KAT6A: variants seen among roughly 807,000 people sequenced by gnomAD.
The protein encoded by KAT6A is lysine acetyltransferase 6A.
KAT6A carries 9 observed loss-of-function variants against 198.4 expected under a neutral mutation model. That is an observed-to-expected ratio of 0.05 (90% CI 0.03 to 0.08). The LOEUF is 0.08. Among genes scored for constraint, KAT6A ranks in the 10% least tolerant of loss-of-function variants. KAT6A has a pLI of 1.00. For missense variants in KAT6A, 2,077 were observed against 2,509.9 expected (o/e 0.83, Z 3.69); for synonymous variants, 890 against 883.0 (o/e 1.01, Z -0.14).
intron 9 of KAT6A, among the ~76,000 whole-genome samples, chr8:41,952,052 G>A (rs1822694795): frequency 6.6e-6 from 1 of 152,186 alleles, no homozygotes; most frequent in African/African-American, 2.4e-5. Flanking sequence ...TTACACCAGA[G>A]ATGCTTAGTC....
At chr8:41,985,632 C>T (rs1187758998) in intron 3 of KAT6A, among the ~76,000 whole-genome samples, 1 of 152,180 alleles carries the variant, frequency 6.6e-6, no homozygotes, top group Admixed American at 6.5e-5. Context: ...GTGGACTCCC[C>T]CCTGCTTGCA....
chr8:42,004,405 A>G (rs1353816746), intron 2 of KAT6A, among the ~76,000 whole-genome samples: 1 of 152,124 alleles, frequency 6.6e-6, no homozygotes, highest in Admixed American at 6.5e-5. Flanking sequence ...CTTTTTTTAG[A>G]CATGGATTCA....
intron 2 of KAT6A, among the ~76,000 whole-genome samples, chr8:42,015,359 C>A (rs148885523): frequency 2.5e-3 from 376 of 152,286 alleles, no homozygotes; most frequent in Non-Finnish European, 3.6e-3. Flanking sequence ...ACTATGCAAA[C>A]AACTTTCCAG....
At chr8:42,045,562 C>CA (rs373672997) in intron 2 of KAT6A, among the ~76,000 whole-genome samples, 20,160 of 73,498 alleles carry the variant, frequency 0.27, 1,853 homozygotes, top group South Asian at 0.37. Context: ...AATTCCATCT[C>CA]AAAAAAAAAA....
In KAT6A at chr8:42,049,267, T is replaced by C. The variant is rs1476176767; in HGVS notation, c.-290A>G. The C allele has an allele frequency of 2.7e-6, 1 of 367,086 alleles. No individual in the cohort carries two copies. Among genetic ancestry groups the C allele is most frequent in the Non-Finnish European group, 4.9e-6 (1 of 203,662 alleles). The allele number at this position is 367,086 out of a possible 1,614,324, so 22.7% of individuals were successfully genotyped here. ...TTGTAAGAACTCAAGAATATTTCAT[T>C]CCCGGCTCCAGAGCAGAAAAATGTG... On this transcript the variant is annotated 5_prime_UTR_variant, in exon 2 of 17. Transcript: ENST00000265713.
chr8:42,045,576 A>C (rs1452013341), intron 2 of KAT6A, among the ~76,000 whole-genome samples: 2 of 151,754 alleles, frequency 1.3e-5, no homozygotes, highest in African/African-American at 2.4e-5. Context: ...AAAAAAAAAA[A>C]AACAAAAAAA....
chr8:41,979,391 C>T (rs1824234375), intron 5 of KAT6A, among the ~76,000 whole-genome samples: 1 of 151,214 alleles, frequency 6.6e-6, no homozygotes, highest in Admixed American at 6.6e-5. Flanking sequence ...GTAATCCCAT[C>T]ACTTTGGGGG....
chr8:42,020,558 G>C (rs540632296), intron 2 of KAT6A, among the ~76,000 whole-genome samples: 45 of 152,266 alleles, frequency 3.0e-4, no homozygotes, highest in African/African-American at 1.0e-3. Flanking sequence ...AGTAACCCCA[G>C]TACCTAGCAT....
intron 8 of KAT6A, among the ~76,000 whole-genome samples, chr8:41,959,506 T>C (rs546642768): frequency 2.0e-5 from 3 of 152,354 alleles, no homozygotes; most frequent in South Asian, 2.1e-4. Flanking sequence ...CTGCTGATTA[T>C]AGACCCCACA....
At chr8:42,006,241 G>A (rs1264727657) in intron 2 of KAT6A, among the ~76,000 whole-genome samples, 1 of 152,178 alleles carries the variant, frequency 6.6e-6, no homozygotes, top group Non-Finnish European at 1.5e-5. Flanking sequence ...GTAAGTAGGT[G>A]TCTGGGAGTA....
intron 8 of KAT6A, among the ~76,000 whole-genome samples, chr8:41,959,074 T>G (rs1393099224): frequency 2.1e-5 from 3 of 140,204 alleles, no homozygotes; most frequent in Non-Finnish European, 4.5e-5. Flanking sequence ...GGCAGGAGAA[T>G]GGGGTGAACC....
chr8:41,943,282 T>C (rs1317556940), intron 13 of KAT6A, among the ~76,000 whole-genome samples: 1 of 152,252 alleles, frequency 6.6e-6, no homozygotes, highest in Non-Finnish European at 1.5e-5. Flanking sequence ...CTCTCTTTCC[T>C]ATTCTCCATT....
rs530192635 is a variant in KAT6A at position 41,968,182 on chromosome 8, C to T, written c.1482+6522G>A. On this transcript the variant is annotated intron_variant, in intron 8 of 16. Coordinates refer to ENST00000265713, the MANE Select transcript of KAT6A (RefSeq NM_006766.5). ...CAAAAGAAACTACCATCAGAGTGAA[C>T]AGGCAACCCACAAAATGGGACAAAA... Among the ~76,000 whole-genome samples, 19 of 152,296 alleles carry T rather than the reference C, an allele frequency of 1.2e-4. No homozygotes were observed. The South Asian group carries it at 1.7e-3, about 13-fold the overall frequency.
chr8:42,012,446 G>A (rs1442935642), intron 2 of KAT6A, among the ~76,000 whole-genome samples: 1 of 152,170 alleles, frequency 6.6e-6, no homozygotes, highest in Non-Finnish European at 1.5e-5. Context: ...TGTGACAAGT[G>A]TCCCTAGAGA....
chr8:42,048,520 C>G lies in KAT6A; in HGVS notation c.458G>C (p.Arg153Pro). The G allele has an allele frequency of 6.2e-7, 1 of 1,614,158 alleles. No homozygotes were observed. The highest frequency in any genetic ancestry group is 8.5e-7 in the Non-Finnish European group (1 of 1,180,016). ...AAGGAGTCTGCCGTGGCCAATGGCA[C>G]GTTTGATAGCCAATCGTAACTGCTG... ...FHQQLRLAIKRAIGHGRLLKD... is the reference protein window; with the variant it reads ...FHQQLRLAIKPAIGHGRLLKD... The change falls in exon 2 of 17, where the codon CGT (arginine) becomes CCT (proline). Residue 153 changes from arginine (R) to proline (P), a missense_variant. By Grantham distance (103) the Arg-to-Pro change is moderately radical (BLOSUM62 -2). Around this residue, in one of 13 missense-constraint regions of KAT6A, gnomAD observed 185 missense variants for 185.7 expected, o/e 1.00. Coordinates refer to ENST00000265713, the MANE Select transcript of KAT6A (RefSeq NM_006766.5).
chr8:41,933,748 C>T lies in KAT6A; in HGVS notation c.4472G>A (p.Ser1491Asn). Residue 1491 changes from serine (S) to asparagine (N), a missense_variant, in exon 17 of 17, where the codon AGC (serine) becomes AAC (asparagine). Physicochemically the swap from Ser to Asn is conservative, Grantham distance 46. Transcript: ENST00000265713. This position sits in a 1 kb window ranked among gnomAD's most constrained non-coding sequence, Gnocchi z 6.2. The stretch of plus-strand genomic sequence containing the variant: ...ACTGCTGACCGAACGGACTGACTGG[C>T]TGGGGTGAGACTGAACGGAGGAGAT... ...SPISSVQSHPSQSVRSVSSPN... is the reference protein window; with the variant it reads ...SPISSVQSHPNQSVRSVSSPN... 6.2e-7 allele frequency: 1 copy of T among 1,614,120 alleles called. No homozygotes were observed. The highest frequency in any genetic ancestry group is 8.5e-7 in the Non-Finnish European group (1 of 1,180,028).
intron 2 of KAT6A, among the ~76,000 whole-genome samples, chr8:41,996,205 T>A (rs1825194545): frequency 6.6e-6 from 1 of 152,160 alleles, no homozygotes; most frequent in African/African-American, 2.4e-5. Context: ...GAAATTTTCA[T>A]GGAAAAAAAC....
chr8:41,998,894 T>A (rs1327410591), intron 2 of KAT6A, among the ~76,000 whole-genome samples: 1 of 152,144 alleles, frequency 6.6e-6, no homozygotes, highest in African/African-American at 2.4e-5. Context: ...TAATTTCCAT[T>A]ACTTATAGTA....
intron 8 of KAT6A, among the ~76,000 whole-genome samples, chr8:41,960,796 C>T (rs1267105660): frequency 6.6e-6 from 1 of 152,076 alleles, no homozygotes; most frequent in Non-Finnish European, 1.5e-5. Flanking sequence ...CATCAGCTTT[C>T]CACTCTCCCC....
Sources: allele counts gnomAD v4.1 joint callset (sites outside exome capture counted in the v4.1 genomes callset), GRCh38; gene constraint gnomAD v4.1.1; regional missense constraint gnomAD v4.1.1; non-coding constraint Gnocchi (gnomAD v3.1); transcripts MANE v1.5; gene names NCBI Gene and HGNC (gene_info 2026-07-23, HGNC 2026-07-21).